The following FIBCD1 variants were observed in gnomAD, a reference collection of about 807,000 sequenced individuals.
The protein encoded by FIBCD1 is fibrinogen C domain containing 1.
FIBCD1 carries 47 observed loss-of-function variants against 45.1 expected under a neutral mutation model. That is an observed-to-expected ratio of 1.04 (90% CI 0.82 to 1.33). FIBCD1 has a LOEUF of 1.33. Among genes scored for constraint, FIBCD1 ranks in the 40% most tolerant of loss-of-function variants. The pLI, the probability that FIBCD1 is intolerant of heterozygous loss-of-function variation, is 0.00. For missense variants in FIBCD1, 653 were observed against 682.2 expected, an observed-to-expected ratio of 0.96 and a Z score of 0.48; for synonymous variants, 313 against 308.1, an observed-to-expected ratio of 1.02 and a Z score of -0.17.
chr9:130,912,812 G>A (rs916555436), intron 4 of FIBCD1, among the ~76,000 whole-genome samples: 17 of 103,494 alleles, frequency 1.6e-4, no homozygotes, highest in African/African-American at 1.0e-3. Flanking sequence ...GAAAGGGGGG[G>A]CAGAGTCTTA....
chr9:130,931,248 C>T (rs552855214), intron 1 of FIBCD1, among the ~76,000 whole-genome samples: 24 of 152,348 alleles, frequency 1.6e-4, no homozygotes, highest in African/African-American at 4.3e-4. Flanking sequence ...AGGTAGCTCA[C>T]GCCTGTAAGC....
chr9:130,930,372 ACG>A, intron 1 of FIBCD1, among the ~76,000 whole-genome samples: 1 of 151,408 alleles, frequency 6.6e-6, no homozygotes. Flanking sequence ...ACACAGGGAG[ACG>A]CAGGGAGATG....
At chr9:130,916,823 C>T (rs990960718) in intron 4 of FIBCD1, among the ~76,000 whole-genome samples, 3 of 152,336 alleles carry the variant, frequency 2.0e-5, no homozygotes, top group South Asian at 2.1e-4. Context: ...GGAGTCTGGG[C>T]GCGGTGGCCC....
At position 130,930,650 on chromosome 9, in the gene FIBCD1, C is replaced by G. The variant is rs375407375; in HGVS notation, c.73-604G>C. 270 of 431,934 alleles carry G rather than the reference C, an allele frequency of 6.3e-4. No homozygotes were observed. In the East Asian group the frequency reaches 0.017, roughly 28 times the overall value. The allele number at this position is 431,934 out of a possible 1,614,324, so 26.8% of individuals were successfully genotyped here. A position where few individuals can be genotyped will look rare whatever the true frequency, so the allele number is the denominator to read the frequency against. On this transcript the variant is annotated intron_variant, in intron 1 of 6. Transcript: ENST00000372338. ...CCTGTGTGTGTGGCCGTGTGGCCCC[C>G]GTGGAGCCCACACCACCCAGTAAGG...
rs1366282387 is a variant in FIBCD1, at chr9:130,911,813, G to A, written c.925C>T (p.Leu309Phe). The change falls in exon 5 of 7, where the codon CTC (leucine) becomes TTC (phenylalanine). Residue 309 changes from leucine to phenylalanine, a missense_variant. Physicochemically the swap from Leu to Phe is conservative, Grantham distance 22. Transcript: ENST00000372338. ...WDAYRDGFGR[L>F]TGEHWLGLKR... ...TCACCTAGCCAGTGCTCCCCGGTGA[G>A]CCTGCCAAAGCCGTCTCGGTACGCA... 1 of 1,603,560 alleles carries A rather than the reference G, an allele frequency of 6.2e-7. No individual in the cohort carries two copies. Among genetic ancestry groups the A allele is most frequent in the East Asian group, 2.3e-5 (1 of 44,048 alleles).
In FIBCD1 at chr9:130,929,855, C is replaced by T. The variant is rs1216831076; in HGVS notation, c.264G>A (p.Ser88=). 20 of 1,549,618 alleles carry T rather than the reference C, an allele frequency of 1.3e-5. No individual in the cohort carries two copies. The highest frequency in any genetic ancestry group is 1.6e-5 in the Non-Finnish European group (18 of 1,146,674). The change falls in exon 2 of 7, where the codon TCG becomes TCA. Residue 88 remains serine, a synonymous_variant. Coordinates refer to ENST00000372338, the MANE Select transcript of FIBCD1 (RefSeq NM_032843.5). ...GCGGGTCAATGAGGATGCTGAGGTG[C>T]GAGCTGTCCGCCCTTTCCACAGTGA... ...ALVTVERADS[S]HLSILIDPRC...
At chr9:130,939,439 C>T (rs1588115852), upstream of FIBCD1, among the ~76,000 whole-genome samples, 1 of 152,160 alleles carries the variant, frequency 6.6e-6, no homozygotes, top group South Asian at 2.1e-4. Context: ...GTGGGGTCTC[C>T]AGCCCCCGGG....
chr9:130,908,530 G>A (rs1042452383), intron 5 of FIBCD1, among the ~76,000 whole-genome samples: 12 of 152,284 alleles, frequency 7.9e-5, no homozygotes, highest in African/African-American at 2.4e-4. Flanking sequence ...GGGATGAGGC[G>A]AGCTGGGTTG....
Position 130,938,623 on chromosome 9 carries a change from G to GC in FIBCD1, c.-17dup. 1 of 1,425,528 alleles carries GC rather than the reference G, an allele frequency of 7.0e-7. No individual in the cohort carries two copies. The highest frequency in any genetic ancestry group is 9.2e-7 in the Non-Finnish European group (1 of 1,087,720). The allele number at this position is 1,425,528 out of a possible 1,614,324, so 88.3% of individuals were successfully genotyped here. A position where few individuals can be genotyped will look rare whatever the true frequency, so the allele number is the denominator to read the frequency against. ...CGTTGACCATCTTCCGGCAGGACTG[G>GC]CGGGGGCGCCGGGCGAGGCGCGCCG... On this transcript the variant is annotated 5_prime_UTR_variant, in exon 1 of 7. Transcript: ENST00000372338.
rs1192601958 is a variant in FIBCD1 at position 130,912,639 on chromosome 9, G to A, written c.850-751C>T. Among the ~76,000 whole-genome samples the A allele has an allele frequency of 7.3e-5, 11 of 151,554 alleles. No individual in the cohort carries two copies. The South Asian group carries it at 1.9e-3, about 26-fold the overall frequency. The stretch of plus-strand genomic sequence containing the variant: ...GGAGAATCGCTTGATCCCGGGAGGC[G>A]CAGGTTGCAGTGAGCCGAGATCATG... On this transcript the variant is annotated intron_variant, in intron 4 of 6. Coordinates refer to ENST00000372338, the MANE Select transcript of FIBCD1 (RefSeq NM_032843.5).
At chr9:130,923,673 C>A in intron 4 of FIBCD1, 71 bp downstream of exon 4, 1 of 1,569,838 alleles carries the variant, frequency 6.4e-7, no homozygotes, top group Non-Finnish European at 8.6e-7. Context: ...GCTCGGAATG[C>A]CCGGGTTCAG....
In FIBCD1 at chr9:130,924,260, G is replaced by C. The variant is rs1220274365; in HGVS notation, c.689C>G (p.Thr230Ser). ...ADLQRAPARGTRPRGCATGSR... is the reference protein window; with the variant it reads ...ADLQRAPARGSRPRGCATGSR... ...ACCAGTGGCACAGCCCCGGGGCCGG[G>C]TTCCCCGGGCAGGCGCTCTCTGAAG... The change falls in exon 3 of 7, where the codon ACC becomes AGC. Residue 230 changes from threonine (T) to serine (S), a missense_variant. Coordinates refer to ENST00000372338, the MANE Select transcript of FIBCD1 (RefSeq NM_032843.5). 1.3e-6 allele frequency: 2 copies of C among 1,599,004 alleles called. No individual in the cohort carries two copies. Among genetic ancestry groups the C allele is most frequent in the South Asian group, 2.3e-5 (2 of 88,502 alleles).
chr9:130,929,261 C>T (rs960150084), intron 2 of FIBCD1, among the ~76,000 whole-genome samples: 3 of 152,172 alleles, frequency 2.0e-5, no homozygotes. Flanking sequence ...TACCCTGGAG[C>T]ACTGGGGAAG....
intron 6 of FIBCD1, 133 bp from the exon 7 acceptor site, chr9:130,904,456 C>T (rs12553849): frequency 0.14 from 185,229 of 1,324,706 alleles, 18,388 homozygotes; most frequent in East Asian, 0.5. Flanking sequence ...CGTGCTCTCA[C>T]ACATACTGCT....
At chr9:130,924,440 G>GCAGGGGCA in intron 2 of FIBCD1, 44 bp from the exon 3 acceptor site, 2 of 1,549,536 alleles carry the variant, frequency 1.3e-6, no homozygotes, top group Non-Finnish European at 1.7e-6. Context: ...GGGCTCTGTT[G>GCAGGGGCA]GGGGTGGGGT....
chr9:130,913,385 A>G (rs551509608), intron 4 of FIBCD1, among the ~76,000 whole-genome samples: 1 of 152,380 alleles, frequency 6.6e-6, no homozygotes, highest in East Asian at 1.9e-4. Context: ...TTCATTACTA[A>G]GCAGCCTGAT....
At chr9:130,923,489 T>C (rs1832296407) in intron 4 of FIBCD1, among the ~76,000 whole-genome samples, 1 of 152,118 alleles carries the variant, frequency 6.6e-6, no homozygotes, top group Non-Finnish European at 1.5e-5. Context: ...CAGCTGGGGA[T>C]CTCAGGGAGC....
intron 4 of FIBCD1, among the ~76,000 whole-genome samples, chr9:130,913,287 G>A (rs1012790547): frequency 3.4e-5 from 5 of 147,302 alleles, no homozygotes; most frequent in East Asian, 2.2e-4. Context: ...TTTATTCTCC[G>A]AGGCAGCGCC....
chr9:130,910,492 G>A (rs2133074230), intron 5 of FIBCD1, among the ~76,000 whole-genome samples: 1 of 152,342 alleles, frequency 6.6e-6, no homozygotes, highest in East Asian at 1.9e-4. Flanking sequence ...GAGCACCCAA[G>A]GGCTGAGGAG....
Sources: gnomAD v4.1 joint callset for allele counts (sites outside exome capture counted in the v4.1 genomes callset) on GRCh38, gnomAD v4.1.1 for gene constraint, MANE v1.5 for transcripts, NCBI Gene and HGNC (gene_info 2026-07-23, HGNC 2026-07-21) for gene names.